The following ENPP7 variants were observed in gnomAD, a reference collection of about 807,000 sequenced individuals.
ENPP7 encodes the protein ectonucleotide pyrophosphatase/phosphodiesterase family member 7.
Under a neutral mutation model 33.6 loss-of-function variants are expected in ENPP7, and 39 were observed. That is an observed-to-expected ratio of 1.16 (90% CI 0.90 to 1.52). The LOEUF (loss-of-function observed/expected upper bound fraction) is 1.52. Among genes scored for constraint, ENPP7 ranks in the 40% most tolerant of loss-of-function variants. ENPP7 has a pLI of 0.00. For synonymous variants in ENPP7, 244 were observed against 274.3 expected (o/e 0.89, Z 1.09); for missense variants, 594 against 641.0 (o/e 0.93, Z 0.79).
At position 79,735,291 on chromosome 17, in the gene ENPP7, G is replaced by A. The variant is rs1555823307; in HGVS notation, c.648G>A (p.Val216=). ...GPESPERREM[V]RQVDRTVGYL... is the part of the protein sequence containing the mutation. Reference sequence around the variant, plus strand: ...AGTCCCCGGAGAGGAGGGAGATGGTGCGGCAGGTGGACCGGACCGTGGGCT... The same window carrying A: ...AGTCCCCGGAGAGGAGGGAGATGGTACGGCAGGTGGACCGGACCGTGGGCT... Residue 216 remains valine, a synonymous_variant, in exon 3 of 6, where the codon GTG becomes GTA. Coordinates refer to ENST00000328313, the MANE Select transcript of ENPP7 (RefSeq NM_178543.5). This position sits in a 1 kb window ranked among gnomAD's most constrained non-coding sequence, Gnocchi z 5.5. 1.2e-6 allele frequency: 2 copies of A among 1,613,224 alleles called. No homozygotes were observed. Among genetic ancestry groups the A allele is most frequent in the African/African-American group, 1.3e-5 (1 of 74,914 alleles).
rs782744903 is a variant in ENPP7 at position 79,738,024 on chromosome 17, T to C, written c.1355T>C (p.Ile452Thr). The C allele has an allele frequency of 3.7e-6, 6 of 1,612,546 alleles. No individual in the cohort carries two copies. Among genetic ancestry groups the C allele is most frequent in the African/African-American group, 1.3e-5 (1 of 74,922 alleles). ...LLVMGLLGTV[I>T]LLSEVA is the part of the protein sequence containing the mutation. The stretch of plus-strand genomic sequence containing the variant: ...GTGATGGGACTGCTGGGGACCGTGA[T>C]TCTTCTGTCTGAGGTCGCATAACGC... Residue 452 changes from isoleucine to threonine, a missense_variant, in exon 5 of 6, where the codon ATT becomes ACT. Physicochemically the swap from Ile to Thr is moderately conservative, Grantham distance 89. This residue lies in a region of ENPP7 where 504 missense variants were observed against 512.8 expected (regional missense o/e 0.98). Transcript: ENST00000328313. The surrounding 1 kb of genome is among the most constrained non-coding windows in gnomAD (Gnocchi z 6.2).
rs782531683 is a variant in ENPP7, at chr17:79,735,689, C to T, written c.1026+20C>T. On this transcript the variant is annotated intron_variant, in intron 3 of 5. Transcript: ENST00000328313. The surrounding 1 kb of genome is among the most constrained non-coding windows in gnomAD (Gnocchi z 5.5). ...CATGGGGTGAGTCGCCTGCTGGAGG[C>T]ACCACCTCCAGGGGCTCCCTCCCCA... The T allele has an allele frequency of 1.2e-4, 194 of 1,587,924 alleles. No individual in the cohort carries two copies. The highest frequency in any genetic ancestry group is 1.6e-4 in the Non-Finnish European group (191 of 1,164,090).
At chr17:79,731,784 A>G (rs2094285941) in intron 1 of ENPP7, among the ~76,000 whole-genome samples, 1 of 152,126 alleles carries the variant, frequency 6.6e-6, no homozygotes, top group Non-Finnish European at 1.5e-5. Context: ...TGTAGACAAT[A>G]CAGACATAGG....
intron 3 of ENPP7, among the ~76,000 whole-genome samples, chr17:79,736,152 G>A (rs375110848): frequency 3.9e-5 from 6 of 152,234 alleles, no homozygotes; most frequent in Admixed American, 2.0e-4. Flanking sequence ...CGATCCACCC[G>A]CCTCAGCCTC....
intron 1 of ENPP7, 70 bp downstream of exon 1, chr17:79,731,462 C>A: frequency 6.6e-7 from 1 of 1,523,808 alleles, no homozygotes; most frequent in South Asian, 1.3e-5. Context: ...AGAGCCGTGT[C>A]GTGCAGGATA....
chr17:79,736,152 GC>G (rs1302232531), intron 3 of ENPP7, among the ~76,000 whole-genome samples: 5 of 152,118 alleles, frequency 3.3e-5, no homozygotes, highest in Non-Finnish European at 7.4e-5. Context: ...CGATCCACCC[GC>G]CTCAGCCTCC....
chr17:79,734,735 C>A (rs2094292082), intron 2 of ENPP7, among the ~76,000 whole-genome samples: 1 of 152,166 alleles, frequency 6.6e-6, no homozygotes, highest in African/African-American at 2.4e-5. Flanking sequence ...GCCTTGGCCT[C>A]CCAAAGTGCT....
chr17:79,739,500 A>C lies in ENPP7; in HGVS notation c.*16+1438A>C, dbSNP rs2094301829. On this transcript the variant is annotated intron_variant, in intron 5 of 5. Coordinates refer to ENST00000328313, the MANE Select transcript of ENPP7 (RefSeq NM_178543.5). This position sits in a 1 kb window ranked among gnomAD's most constrained non-coding sequence, Gnocchi z 4.4. The stretch of plus-strand genomic sequence containing the variant: ...CAGATTCCAAATACCTTTAAGAGGC[A>C]CGACATTCGAGGTTTGTGGACAGAT... The C allele has an allele frequency of 6.6e-6, 1 of 152,258 alleles. No individual in the cohort carries two copies. Among genetic ancestry groups the C allele is most frequent in the Admixed American group, 6.5e-5 (1 of 15,272 alleles). The allele number at this position is 152,258 out of a possible 1,614,324, so 9.4% of individuals were successfully genotyped here.
Position 79,737,347 on chromosome 17 carries a change from C to T in ENPP7, c.1246+87C>T. The T allele has an allele frequency of 1.7e-6, 2 of 1,154,512 alleles. No individual in the cohort carries two copies. Among genetic ancestry groups the T allele is most frequent in the Admixed American group, 4.2e-5 (2 of 47,852 alleles). 71.5% of individuals were successfully genotyped at this position (1,154,512 alleles called of 1,614,324 possible). On this transcript the variant is annotated intron_variant, in intron 4 of 5. Coordinates refer to ENST00000328313, the MANE Select transcript of ENPP7 (RefSeq NM_178543.5). This position sits in a 1 kb window ranked among gnomAD's most constrained non-coding sequence, Gnocchi z 5.5. ...TGCCTGCATGCCTGTGACCAGGACA[C>T]CCTTGAGCCCCAAGTGGGGCCACCT...
rs140556423 is a variant in ENPP7 at position 79,737,167 on chromosome 17, G to T, written c.1153G>T (p.Val385Phe). ...CCTGGAGGTGGAGCCCTTTGAGAGC[G>T]TCCACGTGTACGAGCTCATGTGCCG... ...AGLEVEPFES[V>F]HVYELMCRLL... The change falls in exon 4 of 6, where the codon GTC (valine) becomes TTC (phenylalanine). Residue 385 changes from valine to phenylalanine, a missense_variant. Physicochemically the swap from Val to Phe is conservative, Grantham distance 50 (BLOSUM62 -1). Transcript: ENST00000328313. The surrounding 1 kb of genome is among the most constrained non-coding windows in gnomAD (Gnocchi z 5.5). 5.6e-6 allele frequency: 9 copies of T among 1,613,850 alleles called. No individual in the cohort carries two copies. In the South Asian group the frequency reaches 9.9e-5, roughly 18 times the overall value.
At chr17:79,741,263 A>G (rs1905503199) in intron 5 of ENPP7, among the ~76,000 whole-genome samples, 1 of 152,246 alleles carries the variant, frequency 6.6e-6, no homozygotes, top group African/African-American at 2.4e-5. Flanking sequence ...AGCTGGGATT[A>G]CAGGCATGAG....
chr17:79,737,824 T>TG lies in ENPP7; in HGVS notation c.1247-88dup. 8.6e-6 allele frequency: 12 copies of TG among 1,395,746 alleles called. No homozygotes were observed. The highest frequency in any genetic ancestry group is 1.2e-5 in the South Asian group (1 of 83,658). The allele number at this position is 1,395,746 out of a possible 1,614,324, so 86.5% of individuals were successfully genotyped here. A position where few individuals can be genotyped will look rare whatever the true frequency, so the allele number is the denominator to read the frequency against. ...CGGTGAAAGAGGAAGGAGGGGCTCG[T>TG]GGGGACCAACAGAGGACCCCGAGTT... On this transcript the variant is annotated intron_variant, in intron 4 of 5. Transcript: ENST00000328313. The surrounding 1 kb of genome is among the most constrained non-coding windows in gnomAD (Gnocchi z 5.5).
In ENPP7 at chr17:79,733,493, C is replaced by A. The variant is rs201200066; in HGVS notation, c.254-15C>A. 1.5e-4 allele frequency: 236 copies of A among 1,611,560 alleles called. No homozygotes were observed. The highest frequency in any genetic ancestry group is 2.0e-4 in the Non-Finnish European group (235 of 1,178,976). ...CGGTCCATCCCGCCGCCCTCTGCAC[C>A]TCTTCCTCCCTCAGGCAAATATATC... On this transcript the variant is annotated splice_polypyrimidine_tract_variant and intron_variant, in intron 1 of 5. Coordinates refer to ENST00000328313, the MANE Select transcript of ENPP7 (RefSeq NM_178543.5).
At chr17:79,740,407 G>A (rs2094303192) in intron 5 of ENPP7, among the ~76,000 whole-genome samples, 1 of 152,164 alleles carries the variant, frequency 6.6e-6, no homozygotes, top group South Asian at 2.1e-4. Flanking sequence ...AGAGTGGCTG[G>A]TGGTGTGTAA....
At position 79,737,914 on chromosome 17, in the gene ENPP7, A is replaced by G. The variant is rs782039349; in HGVS notation, c.1247-2A>G. 12 of 1,613,556 alleles carry G rather than the reference A, an allele frequency of 7.4e-6. No individual in the cohort carries two copies. Among genetic ancestry groups the G allele is most frequent in the Non-Finnish European group, 1.0e-5 (12 of 1,179,952 alleles). On this transcript the variant is annotated splice_acceptor_variant, in intron 4 of 5. Coordinates refer to ENST00000328313, the MANE Select transcript of ENPP7 (RefSeq NM_178543.5). LOFTEE classifies it high-confidence loss of function. This position sits in a 1 kb window ranked among gnomAD's most constrained non-coding sequence, Gnocchi z 5.5. ...CCTCACAGGTCCTCTGGCTTTCCTTAGAATCTGCTCTTCCGCCTGATGGAA... is the reference window on the plus strand; with the variant it reads ...CCTCACAGGTCCTCTGGCTTTCCTTGGAATCTGCTCTTCCGCCTGATGGAA...
Position 79,737,865 on chromosome 17 carries a change from G to A in ENPP7, c.1247-51G>A. The A allele has an allele frequency of 6.3e-7, 1 of 1,599,774 alleles. No homozygotes were observed. The highest frequency in any genetic ancestry group is 8.5e-7 in the Non-Finnish European group (1 of 1,169,934). ...ACCCCGAGTTTACTGTGGAGAGGCT[G>A]GGGTGAGGAGCCATCCCTCTCTCCC... On this transcript the variant is annotated intron_variant, in intron 4 of 5. Coordinates refer to ENST00000328313, the MANE Select transcript of ENPP7 (RefSeq NM_178543.5). The surrounding 1 kb of genome is among the most constrained non-coding windows in gnomAD (Gnocchi z 5.5).
At chr17:79,734,910 C>A in intron 2 of ENPP7, 133 bp from the exon 3 acceptor site, 2 of 895,152 alleles carry the variant, frequency 2.2e-6, no homozygotes, top group Non-Finnish European at 3.3e-6. Context: ...AAAGGCCCCG[C>A]AGCTGCAGCT....
chr17:79,731,077 T>C lies in ENPP7; in HGVS notation c.-63T>C. 2 of 1,517,632 alleles carry C rather than the reference T, an allele frequency of 1.3e-6. No homozygotes were observed. The highest frequency in any genetic ancestry group is 1.8e-6 in the Non-Finnish European group (2 of 1,133,452). The allele number at this position is 1,517,632 out of a possible 1,614,324, so 94.0% of individuals were successfully genotyped here. ...ATCAGCCCGGGTGACCCTGGGACTT[T>C]GTCCTCCTCGGCAGGAGCCAGCCCT... is the stretch of plus-strand genomic sequence containing the variant. On this transcript the variant is annotated 5_prime_UTR_variant, in exon 1 of 6. Transcript: ENST00000328313.
Position 79,735,393 on chromosome 17 carries a change from G to A in ENPP7, c.750G>A (p.Thr250=), listed in dbSNP as rs782072491. 9 of 1,613,870 alleles carry A rather than the reference G, an allele frequency of 5.6e-6. No homozygotes were observed. Among genetic ancestry groups the A allele is most frequent in the African/African-American group, 2.7e-5 (2 of 74,918 alleles). The change falls in exon 3 of 6, where the codon ACG becomes ACA. Residue 250 remains threonine, a synonymous_variant. Coordinates refer to ENST00000328313, the MANE Select transcript of ENPP7 (RefSeq NM_178543.5). The surrounding 1 kb of genome is among the most constrained non-coding windows in gnomAD (Gnocchi z 5.5). ...TCATCACATCCGACCACGGCATGACGACCGTGGACAAACGGGCTGGCGACC... is the reference window on the plus strand; with the variant it reads ...TCATCACATCCGACCACGGCATGACAACCGTGGACAAACGGGCTGGCGACC... ...NLIITSDHGM[T]TVDKRAGDLV...
Sources: allele counts gnomAD v4.1 joint callset (sites outside exome capture counted in the v4.1 genomes callset), GRCh38; gene constraint gnomAD v4.1.1; regional missense constraint gnomAD v4.1.1; non-coding constraint Gnocchi (gnomAD v3.1); transcripts MANE v1.5; gene names NCBI Gene and HGNC (gene_info 2026-07-23, HGNC 2026-07-21).